Variants in HMCN2 observed in about 807,000 individuals in gnomAD.
HMCN2 encodes hemicentin 2.
A neutral mutation model predicts 377.5 loss-of-function variants in HMCN2; 325 were observed. That is an observed-to-expected ratio of 0.86 (90% CI 0.79 to 0.94). The LOEUF (loss-of-function observed/expected upper bound fraction) is 0.94. Among genes scored for constraint, HMCN2 ranks in the 40% least tolerant of loss-of-function variants. The probability of loss-of-function intolerance (pLI) is 0.00; values close to 1 mark genes in which losing one functional copy is unlikely to be tolerated. For synonymous variants in HMCN2, 2,007 were observed against 2,046.8 expected (o/e 0.98, Z 0.53); for missense variants, 4,543 against 4,725.3 (o/e 0.96, Z 1.13).
At chr9:130,274,053 A>AT (rs55718524) in intron 1 of HMCN2, among the ~76,000 whole-genome samples, 35,022 of 144,328 alleles carry the variant, frequency 0.24, 4,454 homozygotes, top group African/African-American at 0.32. Context: ...TGATACATTA[A>AT]TTTTTTTTTT....
chr9:130,398,444 A>AT (rs1209945203), intron 74 of HMCN2, 107 bp from the exon 75 acceptor site: 18 of 372,452 alleles, frequency 4.8e-5, no homozygotes, highest in Non-Finnish European at 6.7e-5. Context: ...TCCCTCAGGG[A>AT]TGGGTGGAAG....
At chr9:130,424,162 T>C in intron 87 of HMCN2, among the ~76,000 whole-genome samples, 1 of 133,104 alleles carries the variant, frequency 7.5e-6, no homozygotes, top group Admixed American at 7.2e-5. Context: ...CATATATATA[T>C]ATATATATTT....
At chr9:130,318,338 A>C (rs1371599787) in intron 15 of HMCN2, among the ~76,000 whole-genome samples, 1 of 130,570 alleles carries the variant, frequency 7.7e-6, no homozygotes, top group Admixed American at 7.4e-5. Flanking sequence ...ATCAGACTCA[A>C]AGGGTTAAAA....
At position 130,403,323 on chromosome 9, in the gene HMCN2, C is replaced by T; in HGVS notation, c.12008C>T (p.Ala4003Val). The change falls in exon 79 of 98, where the codon GCT becomes GTT. Residue 4003 changes from alanine to valine, a missense_variant. Coordinates refer to ENST00000683500, the MANE Select transcript of HMCN2 (RefSeq NM_001291815.2). ...ITWQKEGLNV[A>V]TGVSTQVLPG... ...TGGCAGAAGGAAGGGCTCAACGTCG[C>T]TACTGGTGAGGGCCCCTGGCAGCCA... 7.8e-7 allele frequency: 1 copy of T among 1,289,898 alleles called. No individual in the cohort carries two copies. The highest frequency in any genetic ancestry group is 1.0e-6 in the Non-Finnish European group (1 of 988,882). 79.9% of individuals were successfully genotyped at this position (1,289,898 alleles called of 1,614,324 possible).
intron 45 of HMCN2, among the ~76,000 whole-genome samples, chr9:130,370,759 C>G (rs1429758240): frequency 6.6e-6 from 1 of 152,194 alleles, no homozygotes. Flanking sequence ...AAGGAGCCTG[C>G]CCGACTCCAG....
chr9:130,429,433 G>C, intron 93 of HMCN2, 124 bp from the exon 94 acceptor site: 1 of 1,251,232 alleles, frequency 8.0e-7, no homozygotes. Flanking sequence ...CATGCAGCCT[G>C]GTGGCACTGA....
Position 130,379,323 on chromosome 9 carries a change from G to A in HMCN2, c.8287G>A (p.Gly2763Ser). ...CCTGTCCCGGGAGGAGGAGGCCCGGGGCGGAGTCACGGAATACAGGGAGAT... is the reference window on the plus strand; with the variant it reads ...CCTGTCCCGGGAGGAGGAGGCCCGGAGCGGAGTCACGGAATACAGGGAGAT... ...EILSREEEAR[G>S]GVTEYREIVE... The change falls in exon 54 of 98, where the codon GGC becomes AGC. Residue 2763 changes from glycine (G) to serine (S), a missense_variant. Around this residue, in one of 5 missense-constraint regions of HMCN2, gnomAD observed 736 missense variants for 773.2 expected, o/e 0.95. Transcript: ENST00000683500. 1 of 985,754 alleles carries A rather than the reference G, an allele frequency of 1.0e-6. No homozygotes were observed. Among genetic ancestry groups the A allele is most frequent in the Non-Finnish European group, 1.2e-6 (1 of 829,920 alleles). The allele number at this position is 985,754 out of a possible 1,614,324, so 61.1% of individuals were successfully genotyped here.
intron 54 of HMCN2, among the ~76,000 whole-genome samples, chr9:130,380,723 G>T (rs1171821241): frequency 6.6e-6 from 1 of 151,218 alleles, no homozygotes. Flanking sequence ...GGAGGTCAAG[G>T]CTTCAGTGAG....
intron 86 of HMCN2, among the ~76,000 whole-genome samples, chr9:130,421,350 C>T (rs1026916562): frequency 1.3e-5 from 2 of 152,134 alleles, no homozygotes; most frequent in Non-Finnish European, 1.5e-5. Flanking sequence ...TTCTGTGGGA[C>T]GATTTCCTTA....
In HMCN2 at chr9:130,361,331, C is replaced by G. The variant is rs1010231898; in HGVS notation, c.5951-677C>G. Among the ~76,000 whole-genome samples, 17 of 152,212 alleles carry G rather than the reference C, an allele frequency of 1.1e-4. No homozygotes were observed. The highest frequency in any genetic ancestry group is 3.9e-4 in the African/African-American group (16 of 41,450). On this transcript the variant is annotated intron_variant, in intron 38 of 97. Transcript: ENST00000683500. The surrounding 1 kb of genome is among the most constrained non-coding windows in gnomAD (Gnocchi z 4.8). ...TGGAGTCCAGGAGGCATCTTTGACA[C>G]TTGGATACCTACACTGAGGTCTCTG...
At position 130,358,417 on chromosome 9, in the gene HMCN2, G is replaced by T; in HGVS notation, c.5608G>T (p.Gly1870Cys). Reference protein sequence around the residue: ...QIEKVDLRDEGIYTCAATNLA... With the variant: ...QIEKVDLRDECIYTCAATNLA... ...TGAGAAGGTGGACCTGAGGGACGAG[G>T]GCATCTACACTTGTGCTGCTACCAA... is the stretch of plus-strand genomic sequence containing the variant. Residue 1870 changes from glycine (G) to cysteine (C), a missense_variant, in exon 36 of 98, where the codon GGC becomes TGC. Physicochemically the swap from Gly to Cys is radical, Grantham distance 159 (BLOSUM62 -3). This residue lies in a region of HMCN2 where 1,032 missense variants were observed against 1,285.1 expected (regional missense o/e 0.80). Coordinates refer to ENST00000683500, the MANE Select transcript of HMCN2 (RefSeq NM_001291815.2). 7.7e-7 allele frequency: 1 copy of T among 1,304,308 alleles called. No homozygotes were observed. The highest frequency in any genetic ancestry group is 1.0e-6 in the Non-Finnish European group (1 of 988,952). The allele number at this position is 1,304,308 out of a possible 1,614,324, so 80.8% of individuals were successfully genotyped here.
Position 130,393,270 on chromosome 9 carries a change from G to C in HMCN2, c.10195G>C (p.Ala3399Pro). The change falls in exon 67 of 98, where the codon GCT becomes CCT. Residue 3399 changes from alanine to proline, a missense_variant. Coordinates refer to ENST00000683500, the MANE Select transcript of HMCN2 (RefSeq NM_001291815.2). The surrounding 1 kb of genome is among the most constrained non-coding windows in gnomAD (Gnocchi z 5.2). The stretch of plus-strand genomic sequence containing the variant: ...CTTCACCTGTGTGGCCGCAAGCCCA[G>C]CTGGCGTGGCGGACAGGAACTTCAC... ...GIFTCVAASP[A>P]GVADRNFTLQ... The C allele has an allele frequency of 4.0e-6, 4 of 988,556 alleles. No homozygotes were observed. The highest frequency in any genetic ancestry group is 4.8e-6 in the Non-Finnish European group (4 of 830,450). The allele number at this position is 988,556 out of a possible 1,614,324, so 61.2% of individuals were successfully genotyped here.
rs1840421082 is a variant in HMCN2 at position 130,362,167 on chromosome 9, T to A, written c.6108+2T>A. ...CCTGCAGGGACCCCTGGCCTGCAGG[T>A]CAGTAGGGCTGGGTGGCCCCGGCTC... On this transcript the variant is annotated splice_donor_variant, in intron 39 of 97. Coordinates refer to ENST00000683500, the MANE Select transcript of HMCN2 (RefSeq NM_001291815.2). LOFTEE classifies it high-confidence loss of function. 1 of 985,682 alleles carries A rather than the reference T, an allele frequency of 1.0e-6. No homozygotes were observed. The highest frequency in any genetic ancestry group is 1.7e-5 in the African/African-American group (1 of 57,234). The allele number at this position is 985,682 out of a possible 1,614,324, so 61.1% of individuals were successfully genotyped here.
At chr9:130,354,086 G>A (rs1218012209) in intron 31 of HMCN2, among the ~76,000 whole-genome samples, 2 of 152,296 alleles carry the variant, frequency 1.3e-5, no homozygotes, top group East Asian at 3.9e-4. Context: ...AATAGAAAAT[G>A]TGTATGTGTA....
intron 61 of HMCN2, among the ~76,000 whole-genome samples, chr9:130,386,790 G>A (rs965644229): frequency 5.8e-4 from 88 of 152,320 alleles, no homozygotes; most frequent in Admixed American, 5.6e-3. Context: ...CATTACAGGC[G>A]TGAGCCACTG....
intron 74 of HMCN2, among the ~76,000 whole-genome samples, 169 bp downstream of exon 74, chr9:130,397,824 G>A (rs1338330530): frequency 6.6e-6 from 1 of 152,152 alleles, no homozygotes; most frequent in African/African-American, 2.4e-5. Flanking sequence ...AAAGGACACA[G>A]ATGTATTTTA....
chr9:130,282,421 A>T (rs1419045104), intron 1 of HMCN2, among the ~76,000 whole-genome samples: 4 of 152,212 alleles, frequency 2.6e-5, no homozygotes, highest in Non-Finnish European at 4.4e-5. Flanking sequence ...CATAGCCCAA[A>T]AAGGATAAAG....
chr9:130,355,954 CAGGAGT>C (rs1270411899), intron 33 of HMCN2, 100 bp downstream of exon 33: 1 of 933,502 alleles, frequency 1.1e-6, no homozygotes, highest in Non-Finnish European at 1.5e-6. Context: ...TTCCTGTTTC[CAGGAGT>C]AGGAAAGAGG....
intron 85 of HMCN2, among the ~76,000 whole-genome samples, chr9:130,411,921 C>T (rs1326101961): frequency 1.3e-5 from 2 of 151,078 alleles, no homozygotes; most frequent in African/African-American, 4.9e-5. Context: ...TGTACACTTA[C>T]AAATGGTTCA....
Sources: allele counts gnomAD v4.1 joint callset (sites outside exome capture counted in the v4.1 genomes callset), GRCh38; gene constraint gnomAD v4.1.1; regional missense constraint gnomAD v4.1.1; non-coding constraint Gnocchi (gnomAD v3.1); transcripts MANE v1.5; gene names NCBI Gene and HGNC (gene_info 2026-07-23, HGNC 2026-07-21).